Variants in AKAP13 observed in about 807,000 individuals in gnomAD.
AKAP13 encodes the protein A-kinase anchoring protein 13.
In AKAP13, 80 loss-of-function variants were observed where a neutral mutation model predicts 264.5. That is an observed-to-expected ratio of 0.30 (90% CI 0.25 to 0.36). AKAP13 has a LOEUF of 0.36. AKAP13 is among the 10% of genes least tolerant of loss of function. AKAP13 has a pLI of 1.00. For synonymous variants in AKAP13, 1,380 were observed against 1,250.2 expected, an observed-to-expected ratio of 1.10 and a Z score of -2.19; for missense variants, 3,712 against 3,435.2, an observed-to-expected ratio of 1.08 and a Z score of -2.01.
At chr15:85,712,646 C>A (rs2086694074) in intron 19 of AKAP13, among the ~76,000 whole-genome samples, 2 of 152,044 alleles carry the variant, frequency 1.3e-5, no homozygotes, top group Non-Finnish European at 2.9e-5. Context: ...TGGGTTCAAG[C>A]AGTTCTCCTG....
chr15:85,722,173 G>A (rs533588984), intron 24 of AKAP13, 57 bp downstream of exon 24: 120 of 1,610,154 alleles, frequency 7.5e-5, no homozygotes, highest in Middle Eastern at 5.0e-4. Flanking sequence ...TGTCCCTGTC[G>A]GCTTTCACTA....
intron 2 of AKAP13, among the ~76,000 whole-genome samples, chr15:85,517,493 G>C (rs934275746): frequency 6.6e-6 from 1 of 152,014 alleles, no homozygotes; most frequent in African/African-American, 2.4e-5. Context: ...AGGAAAATAC[G>C]TTCTTAGAAT....
intron 8 of AKAP13, among the ~76,000 whole-genome samples, chr15:85,613,713 T>TATATATATATATATATATATATATA (rs1254657975): frequency 6.3e-5 from 7 of 110,988 alleles, no homozygotes; most frequent in South Asian, 3.4e-4. Context: ...TATATATATA[T>TATATATATATATATATATATATATA]TAGGAGTGCT....
chr15:85,639,590 T>G, intron 9 of AKAP13, 141 bp downstream of exon 9: 1 of 661,876 alleles, frequency 1.5e-6, no homozygotes, highest in Middle Eastern at 3.0e-4. Flanking sequence ...TGTAGGCATT[T>G]TGTCTTACAG....
intron 1 of AKAP13, among the ~76,000 whole-genome samples, chr15:85,424,300 G>A (rs2072664214): frequency 6.6e-6 from 1 of 152,192 alleles, no homozygotes; most frequent in Non-Finnish European, 1.5e-5. Flanking sequence ...TTCATCATTT[G>A]TCTAGATTGT....
intron 1 of AKAP13, among the ~76,000 whole-genome samples, chr15:85,468,139 A>G (rs1169970489): frequency 6.6e-6 from 1 of 152,176 alleles, no homozygotes; most frequent in Non-Finnish European, 1.5e-5. Flanking sequence ...GGGTAAAGGA[A>G]CTTTTGAGGT....
At chr15:85,662,530 G>T (rs2083403115) in intron 12 of AKAP13, 3 of 1,552,884 alleles carry the variant, frequency 1.9e-6, no homozygotes. Context: ...CTTGGAGCTG[G>T]CTTCTGTGTG....
intron 1 of AKAP13, among the ~76,000 whole-genome samples, chr15:85,451,033 G>C (rs1163797267): frequency 6.6e-6 from 1 of 152,130 alleles, no homozygotes; most frequent in Non-Finnish European, 1.5e-5. Context: ...GACTCTGGGT[G>C]CTCCTCTGTT....
chr15:85,518,821 C>G lies in AKAP13; in HGVS notation c.34-2607C>G, dbSNP rs137940816. On this transcript the variant is annotated intron_variant, in intron 2 of 36. Coordinates refer to ENST00000394518, the MANE Select transcript of AKAP13 (RefSeq NM_007200.5). The stretch of plus-strand genomic sequence containing the variant: ...TCCAGCCTGGGAAACTAAGTGAGAA[C>G]CTGTCTCAAACAACAACAAAAACCC... 3.0e-3 allele frequency among the ~76,000 whole-genome samples: 461 copies of G among 152,256 alleles called. 1 individual carries two copies. The highest frequency in any genetic ancestry group is 5.1e-3 in the Non-Finnish European group (344 of 68,016).
At chr15:85,577,481 G>A (rs1478119071) in intron 6 of AKAP13, among the ~76,000 whole-genome samples, 1 of 152,150 alleles carries the variant, frequency 6.6e-6, no homozygotes, top group Admixed American at 6.5e-5. Flanking sequence ...GCATGCACAT[G>A]GGATTTTTGC....
chr15:85,530,945 G>A (rs79270762), intron 3 of AKAP13, among the ~76,000 whole-genome samples: 13,072 of 152,140 alleles, frequency 0.086, 848 homozygotes, highest in East Asian at 0.31. Context: ...CATGATCTTG[G>A]CTCATGGCAA....
In AKAP13 at chr15:85,524,131, A is replaced by C. The variant is rs533317937; in HGVS notation, c.181+2556A>C. The stretch of plus-strand genomic sequence containing the variant: ...GTGTGGGACTAGCTCTGCAATTTCT[A>C]GTCATTTTGGCTAAGAGAAGAAAAA... On this transcript the variant is annotated intron_variant, in intron 3 of 36. Transcript: ENST00000394518. Among the ~76,000 whole-genome samples, 7 of 151,800 alleles carry C rather than the reference A, an allele frequency of 4.6e-5. No homozygotes were observed. In the South Asian group the frequency reaches 1.2e-3, roughly 27 times the overall value.
chr15:85,681,330 T>A (rs1028848695), intron 14 of AKAP13, among the ~76,000 whole-genome samples: 1 of 152,226 alleles, frequency 6.6e-6, no homozygotes, highest in Non-Finnish European at 1.5e-5. Context: ...TTGAAAATCA[T>A]TTATCACTGT....
At chr15:85,421,076 G>T (rs1596113474) in intron 1 of AKAP13, among the ~76,000 whole-genome samples, 1 of 152,270 alleles carries the variant, frequency 6.6e-6, no homozygotes, top group South Asian at 2.1e-4. Context: ...AAATGCAGGC[G>T]GTGATTTTGT....
chr15:85,577,784 C>G (rs1188624136), intron 6 of AKAP13: 1 of 984,686 alleles, frequency 1.0e-6, no homozygotes, highest in East Asian at 1.1e-4. Flanking sequence ...TCTGCCATGC[C>G]ACTGTTCCTG....
chr15:85,498,152 T>A (rs965843287), intron 2 of AKAP13, among the ~76,000 whole-genome samples: 5 of 148,638 alleles, frequency 3.4e-5, no homozygotes, highest in Non-Finnish European at 7.4e-5. Flanking sequence ...GGGAGAACAG[T>A]CATGTTTTTT....
In AKAP13 at chr15:85,749,206, C is replaced by T. The variant is rs1326987243; in HGVS notation, c.*4529C>T. On this transcript the variant is annotated 3_prime_UTR_variant, in exon 37 of 37. Coordinates refer to ENST00000394518, the MANE Select transcript of AKAP13 (RefSeq NM_007200.5). ...ATGTATAAAGTGAAGCAGTTTTAAA[C>T]TGTAAAGATTTTTTTCAGTGTGTTT... 1.3e-5 allele frequency: 2 copies of T among 152,210 alleles called. No individual in the cohort carries two copies. The highest frequency in any genetic ancestry group is 4.1e-4 in the South Asian group (2 of 4,826). 9.4% of individuals were successfully genotyped at this position (152,210 alleles called of 1,614,324 possible).
intron 5 of AKAP13, among the ~76,000 whole-genome samples, chr15:85,549,726 C>A (rs117196098): frequency 2.0e-5 from 3 of 152,040 alleles, no homozygotes; most frequent in African/African-American, 7.3e-5. Context: ...AGACTCAGGA[C>A]GAGGCTACTA....
In AKAP13 at chr15:85,397,543, G is replaced by A. The variant is rs996391188; in HGVS notation, c.-12+16745G>A. On this transcript the variant is annotated intron_variant, in intron 1 of 36. Coordinates refer to ENST00000394518, the MANE Select transcript of AKAP13 (RefSeq NM_007200.5). Reference sequence around the variant, plus strand: ...CTTGATGCATGTTGAAATCTGCGGGGACAAGTTCACTAATATAATAGCTGT... The same window carrying A: ...CTTGATGCATGTTGAAATCTGCGGGAACAAGTTCACTAATATAATAGCTGT... Among the ~76,000 whole-genome samples the A allele has an allele frequency of 3.3e-5, 5 of 152,286 alleles. No homozygotes were observed. In the South Asian group the frequency reaches 1.0e-3, roughly 32 times the overall value.
Sources: gnomAD v4.1 joint callset for allele counts (sites outside exome capture counted in the v4.1 genomes callset) on GRCh38, gnomAD v4.1.1 for gene constraint, MANE v1.5 for transcripts, NCBI Gene and HGNC (gene_info 2026-07-23, HGNC 2026-07-21) for gene names.